Variants in MFF observed in about 807,000 individuals in gnomAD.
The protein encoded by MFF is mitochondrial fission factor.
A neutral mutation model predicts 36.9 loss-of-function variants in MFF; 12 were observed. That is an observed-to-expected ratio of 0.33 (90% CI 0.21 to 0.53). MFF has a LOEUF of 0.53. Ranked by LOEUF, MFF falls within the 20% of genes least tolerant of loss-of-function variation. MFF has a pLI of 0.95. For synonymous variants in MFF, 99 were observed against 126.2 expected, an observed-to-expected ratio of 0.78 and a Z score of 1.44; for missense variants, 348 against 366.6, an observed-to-expected ratio of 0.95 and a Z score of 0.42.
chr2:227,344,862 T>C (rs952936063), intron 5 of MFF, among the ~76,000 whole-genome samples: 1 of 152,244 alleles, frequency 6.6e-6, no homozygotes, highest in Non-Finnish European at 1.5e-5. Flanking sequence ...AGTTATGTTT[T>C]TGATGCTGGT....
intron 1 of MFF, 168 bp downstream of exon 1, chr2:227,325,595 G>C (rs904686459): frequency 3.3e-5 from 5 of 152,344 alleles, no homozygotes; most frequent in African/African-American, 9.6e-5. Flanking sequence ...CTTCAACCCT[G>C]GTCTTTCCTC....
At chr2:227,349,349 TA>T (rs1253251152) in intron 6 of MFF, among the ~76,000 whole-genome samples, 1 of 152,122 alleles carries the variant, frequency 6.6e-6, no homozygotes, top group African/African-American at 2.4e-5. Flanking sequence ...ATAAACTTTG[TA>T]TTTTTTTAAT....
intron 5 of MFF, among the ~76,000 whole-genome samples, chr2:227,346,014 A>G (rs2075691524): frequency 6.6e-6 from 1 of 152,190 alleles, no homozygotes; most frequent in South Asian, 2.1e-4. Flanking sequence ...CAAGCCATTC[A>G]AAGTTATTCA....
Position 227,356,974 on chromosome 2 carries a change from T to C in MFF, c.745-12T>C. ...CTATATTATATTTTTTGTGTGTTTG[T>C]TTTTCACTTAGATAATCAAACTAAA... On this transcript the variant is annotated splice_polypyrimidine_tract_variant and intron_variant, in intron 8 of 8. Transcript: ENST00000304593. 5 of 1,535,994 alleles carry C rather than the reference T, an allele frequency of 3.3e-6. No homozygotes were observed. The highest frequency in any genetic ancestry group is 4.4e-6 in the Non-Finnish European group (5 of 1,131,654).
intron 5 of MFF, among the ~76,000 whole-genome samples, chr2:227,345,394 T>G (rs2075653798): frequency 6.6e-6 from 1 of 152,260 alleles, no homozygotes; most frequent in Admixed American, 6.5e-5. Flanking sequence ...ATAGCTGGTT[T>G]ATTTATCAGT....
intron 6 of MFF, chr2:227,351,772 G>C (rs1574989902): frequency 6.6e-6 from 1 of 152,232 alleles, no homozygotes; most frequent in South Asian, 2.1e-4. Context: ...CTGAGAATGA[G>C]TGGAAATCCC....
At chr2:227,352,834 A>G (rs2076069255) in intron 7 of MFF, among the ~76,000 whole-genome samples, 1 of 152,196 alleles carries the variant, frequency 6.6e-6, no homozygotes, top group Non-Finnish European at 1.5e-5. Context: ...TTAATAGTTT[A>G]TAGGTGGTTT....
In MFF at chr2:227,343,154, G is replaced by A. The variant is rs532743368; in HGVS notation, c.440+2774G>A. On this transcript the variant is annotated intron_variant, in intron 5 of 8. Coordinates refer to ENST00000304593, the MANE Select transcript of MFF (RefSeq NM_001277062.2). ...TTCTCAACAGATTCAACGTCACCTG[G>A]TGCAGTGATCCCAATTTTTTTTTTT... 4.0e-5 allele frequency among the ~76,000 whole-genome samples: 6 copies of A among 151,388 alleles called. No individual in the cohort carries two copies. The South Asian group carries it at 1.2e-3, about 32-fold the overall frequency.
intron 4 of MFF, 88 bp downstream of exon 4, chr2:227,332,676 C>A: frequency 1.0e-6 from 1 of 953,078 alleles, no homozygotes; most frequent in Non-Finnish European, 1.5e-6. Context: ...ATATCTTTAG[C>A]AATATGTCAT....
chr2:227,347,419 T>A, intron 6 of MFF, 35 bp downstream of exon 6: 1 of 1,607,384 alleles, frequency 6.2e-7, no homozygotes, highest in Non-Finnish European at 8.5e-7. Context: ...ACAGCTTTAT[T>A]GCATATTTTT....
intron 6 of MFF, 96 bp from the exon 7 acceptor site, chr2:227,352,418 T>A: frequency 1.1e-6 from 1 of 891,018 alleles, no homozygotes; most frequent in East Asian, 2.5e-5. Flanking sequence ...AATATAATCC[T>A]ATTTGACATT....
intron 1 of MFF, among the ~76,000 whole-genome samples, chr2:227,326,888 A>G (rs2106327372): frequency 6.6e-6 from 1 of 152,238 alleles, no homozygotes; most frequent in Middle Eastern, 3.4e-3. Context: ...GTGACTTCCG[A>G]GGCTTTCTGG....
At chr2:227,342,203 A>G (rs1311927402) in intron 5 of MFF, among the ~76,000 whole-genome samples, 2 of 152,082 alleles carry the variant, frequency 1.3e-5, no homozygotes, top group African/African-American at 4.8e-5. Context: ...AACACTTAAC[A>G]TTGCTTAACC....
intron 5 of MFF, among the ~76,000 whole-genome samples, chr2:227,344,324 G>A (rs954268610): frequency 5.9e-5 from 9 of 152,090 alleles, no homozygotes; most frequent in African/African-American, 1.4e-4. Context: ...TCTTCTCAGT[G>A]CCTTTGCAGT....
At chr2:227,346,414 A>G (rs1330555666) in intron 5 of MFF, 1 of 163,374 alleles carries the variant, frequency 6.1e-6, no homozygotes, top group Non-Finnish European at 1.5e-5. Context: ...GGTTAGAACC[A>G]TAAGAATTGG....
intron 3 of MFF, among the ~76,000 whole-genome samples, chr2:227,331,959 ATTTTTTTTTTTTTT>A (rs10549336): frequency 5.2e-5 from 4 of 76,842 alleles, no homozygotes; most frequent in African/African-American, 1.4e-4. Flanking sequence ...CGCTGGAAGC[ATTTTTTTTTTTTTT>A]TTTTTTTTTT....
In MFF at chr2:227,347,378, A is replaced by G; in HGVS notation, c.593A>G (p.Asn198Ser). 6.2e-7 allele frequency: 1 copy of G among 1,613,416 alleles called. No homozygotes were observed. The highest frequency in any genetic ancestry group is 8.5e-7 in the Non-Finnish European group (1 of 1,179,534). ...YQQILDVLDE[N>S]RRPVLRGGSA... The stretch of plus-strand genomic sequence containing the variant: ...CAGATCTTGGATGTGCTGGATGAAA[A>G]TCGCAGGTGATTGGCCATCCGTGAC... The change falls in exon 6 of 9, where the codon AAT becomes AGT. Residue 198 changes from asparagine (N) to serine (S), a missense_variant. Physicochemically the swap from Asn to Ser is conservative, Grantham distance 46. Transcript: ENST00000304593.
intron 2 of MFF, 160 bp downstream of exon 2, chr2:227,328,949 G>T (rs1247787085): frequency 6.6e-6 from 1 of 152,224 alleles, no homozygotes; most frequent in Non-Finnish European, 1.5e-5. Context: ...AGCGTCCTGA[G>T]CAACCTCTAA....
Position 227,355,699 on chromosome 2 carries a change from A to G in MFF, c.682A>G (p.Thr228Ala), listed in dbSNP as rs151315304. The change falls in exon 8 of 9, where the codon ACA becomes GCA. Residue 228 changes from threonine (T) to alanine (A), a missense_variant. Transcript: ENST00000304593. ...CAGGTATGGCATTTCAAATATAGAT[A>G]CAACCATTGAAGGAACGTCAGATGA... ...NVRYGISNIDTTIEGTSDDLT... is the reference protein window; with the variant it reads ...NVRYGISNIDATIEGTSDDLT... 47 of 1,610,312 alleles carry G rather than the reference A, an allele frequency of 2.9e-5. No individual in the cohort carries two copies. Among genetic ancestry groups the G allele is most frequent in the Non-Finnish European group, 3.7e-5 (43 of 1,176,786 alleles).
Sources: gnomAD v4.1 joint callset for allele counts (sites outside exome capture counted in the v4.1 genomes callset) on GRCh38, gnomAD v4.1.1 for gene constraint, MANE v1.5 for transcripts, NCBI Gene and HGNC (gene_info 2026-07-23, HGNC 2026-07-21) for gene names.